PDGFRL: variants seen among roughly 807,000 people sequenced by gnomAD.
PDGFRL encodes platelet-derived growth factor receptor-like protein.
Under a neutral mutation model 37.2 loss-of-function variants are expected in PDGFRL, and 46 were observed. The ratio of observed to expected loss-of-function variants is 1.24; its 90% confidence interval spans 0.98 to 1.58. PDGFRL has a LOEUF of 1.58. Among genes scored for constraint, PDGFRL ranks in the 40% most tolerant of loss-of-function variants. The pLI is 0.00. For missense variants in PDGFRL, 692 were observed against 467.6 expected, an observed-to-expected ratio of 1.48 and a Z score of -4.43; for synonymous variants, 251 against 184.3, an observed-to-expected ratio of 1.36 and a Z score of -2.93.
intron 2 of PDGFRL, among the ~76,000 whole-genome samples, chr8:17,617,745 T>C (rs533234314): frequency 2.1e-4 from 32 of 152,324 alleles, no homozygotes; most frequent in Middle Eastern, 3.4e-3. Context: ...AGCATGCAGA[T>C]TGCACACTGG....
At chr8:17,588,980 GT>G (rs1184312917) in intron 1 of PDGFRL, among the ~76,000 whole-genome samples, 2 of 152,070 alleles carry the variant, frequency 1.3e-5, no homozygotes, top group African/African-American at 4.8e-5. Context: ...ATTTTTTAAT[GT>G]TTTAAAATTA....
Position 17,634,133 on chromosome 8 carries a change from GA to G in PDGFRL, c.860del (p.Asp287AlafsTer32). Reference sequence around the variant, plus strand: ...TTCTTCAAACAAAGTGAAAAGTGGGGACGACATCAGTGTGCTCTGCACTGTC... The same window carrying G: ...TTCTTCAAACAAAGTGAAAAGTGGGGCGACATCAGTGTGCTCTGCACTGTC... ...LASSNKVKSG[D>X]DISVLCTVLG... is the part of the protein sequence containing the mutation. On this transcript the variant is annotated frameshift_variant, in exon 5 of 6. Transcript: ENST00000251630. LOFTEE classifies it high-confidence loss of function. 6.2e-7 allele frequency: 1 copy of G among 1,613,452 alleles called. No homozygotes were observed. Among genetic ancestry groups the G allele is most frequent in the South Asian group, 1.1e-5 (1 of 91,052 alleles).
intron 1 of PDGFRL, among the ~76,000 whole-genome samples, chr8:17,582,105 G>A (rs533329938): frequency 1.5e-3 from 233 of 152,300 alleles, no homozygotes; most frequent in Non-Finnish European, 2.8e-3. Flanking sequence ...GTCTGAAATG[G>A]AAACAGATAA....
At chr8:17,590,422 T>C (rs1261541379) in intron 2 of PDGFRL, among the ~76,000 whole-genome samples, 1 of 150,242 alleles carries the variant, frequency 6.7e-6, no homozygotes, top group Non-Finnish European at 1.5e-5. Flanking sequence ...TAAAAATTCA[T>C]ATTGTGTGGC....
chr8:17,612,799 A>C (rs748915231), intron 2 of PDGFRL, among the ~76,000 whole-genome samples: 1 of 152,202 alleles, frequency 6.6e-6, no homozygotes, highest in Admixed American at 6.5e-5. Flanking sequence ...GTAATGTTGA[A>C]TCTTCTAGTT....
chr8:17,578,243 A>G (rs1004895357), intron 1 of PDGFRL, among the ~76,000 whole-genome samples: 1 of 152,174 alleles, frequency 6.6e-6, no homozygotes, highest in African/African-American at 2.4e-5. Context: ...ATTTAGTGGA[A>G]AAGTAGCTTT....
chr8:17,601,517 G>A (rs559949499), intron 2 of PDGFRL, among the ~76,000 whole-genome samples: 3 of 151,300 alleles, frequency 2.0e-5, no homozygotes, highest in Admixed American at 6.6e-5. Flanking sequence ...GGTTTGTTAC[G>A]TGGGTAAATT....
intron 5 of PDGFRL, among the ~76,000 whole-genome samples, chr8:17,636,616 A>T (rs1406932016): frequency 1.9e-4 from 29 of 150,746 alleles, no homozygotes; most frequent in Non-Finnish European, 1.0e-4. Flanking sequence ...TTGGTTCCAC[A>T]TGAATTTTAG....
At chr8:17,602,686 G>A (rs1043667169) in intron 2 of PDGFRL, among the ~76,000 whole-genome samples, 7 of 152,072 alleles carry the variant, frequency 4.6e-5, no homozygotes, top group Non-Finnish European at 5.9e-5. Context: ...TTGGAAAGGA[G>A]AGCTCTGTTG....
At chr8:17,583,799 CTCTT>C (rs896523968) in intron 1 of PDGFRL, among the ~76,000 whole-genome samples, 62 of 152,238 alleles carry the variant, frequency 4.1e-4, no homozygotes, top group African/African-American at 8.4e-4. Flanking sequence ...CTCTCTCTCT[CTCTT>C]GCTTCTTCTC....
Position 17,621,180 on chromosome 8 carries a change from C to T in PDGFRL, c.483C>T (p.Gly161=). 1 of 1,609,092 alleles carries T rather than the reference C, an allele frequency of 6.2e-7. No individual in the cohort carries two copies. The highest frequency in any genetic ancestry group is 8.5e-7 in the Non-Finnish European group (1 of 1,176,636). ...YICRKDEAKT[G]STYIFFTEKG... is the part of the protein sequence containing the mutation. Reference sequence around the variant, plus strand: ...GCAGGAAGGACGAGGCCAAAACGGGCTCCACCTACATCTTTTTTACAGGTA... The same window carrying T: ...GCAGGAAGGACGAGGCCAAAACGGGTTCCACCTACATCTTTTTTACAGGTA... Residue 161 remains glycine, a synonymous_variant, in exon 3 of 6, where the codon GGC becomes GGT. Transcript: ENST00000251630.
rs1356644578 is a variant in PDGFRL, at chr8:17,634,170, C to A, written c.896C>A (p.Pro299His). 6.2e-7 allele frequency: 1 copy of A among 1,613,410 alleles called. No individual in the cohort carries two copies. Among genetic ancestry groups the A allele is most frequent in the Admixed American group, 1.7e-5 (1 of 59,998 alleles). ...ISVLCTVLGE[P>H]DVEVEFTWIF... ...GTGCTCTGCACTGTCCTGGGGGAGC[C>A]CGATGTGGAGGTGGAGTTCACCTGG... The change falls in exon 5 of 6, where the codon CCC (proline) becomes CAC (histidine). Residue 299 changes from proline to histidine, a missense_variant. Pro to His is a moderately conservative substitution (Grantham distance 77). Transcript: ENST00000251630.
At chr8:17,604,883 GCGGGTGAATCA>G (rs1023283006) in intron 2 of PDGFRL, among the ~76,000 whole-genome samples, 4 of 152,172 alleles carry the variant, frequency 2.6e-5, no homozygotes, top group Non-Finnish European at 5.9e-5. Flanking sequence ...GGAGGCTGAG[GCGGGTGAATCA>G]CTTGAGCTCA....
In PDGFRL at chr8:17,580,244, A is replaced by G. The variant is rs1041041461; in HGVS notation, c.55+2937A>G. The stretch of plus-strand genomic sequence containing the variant: ...TGAGAGCAATATAGCCAGATCTCTA[A>G]GAAGGTAAGGACAGAGACACAATGA... On this transcript the variant is annotated intron_variant, in intron 1 of 5. Coordinates refer to ENST00000251630, the MANE Select transcript of PDGFRL (RefSeq NM_001372073.1). 5.8e-4 allele frequency among the ~76,000 whole-genome samples: 88 copies of G among 152,164 alleles called. 1 individual carries two copies. Among genetic ancestry groups the G allele is most frequent in the African/African-American group, 2.1e-3 (86 of 41,440 alleles).
chr8:17,594,342 G>C (rs561964009), intron 2 of PDGFRL, among the ~76,000 whole-genome samples: 8 of 151,758 alleles, frequency 5.3e-5, no homozygotes, highest in African/African-American at 1.9e-4. Flanking sequence ...CCAGGTTCAA[G>C]CGATTCTCCT....
At chr8:17,639,145 T>C (rs1484009390) in intron 5 of PDGFRL, among the ~76,000 whole-genome samples, 1 of 152,140 alleles carries the variant, frequency 6.6e-6, no homozygotes, top group Non-Finnish European at 1.5e-5. Context: ...CATAAGTTTA[T>C]GTTAGTCCTA....
At chr8:17,590,114 C>G (rs2150813011) in intron 2 of PDGFRL, among the ~76,000 whole-genome samples, 1 of 150,928 alleles carries the variant, frequency 6.6e-6, no homozygotes, top group Non-Finnish European at 1.5e-5. Flanking sequence ...GCCTGTAGTC[C>G]CAGCTACTCA....
At chr8:17,586,160 G>T (rs1803810349) in intron 1 of PDGFRL, among the ~76,000 whole-genome samples, 1 of 152,068 alleles carries the variant, frequency 6.6e-6, no homozygotes, top group Non-Finnish European at 1.5e-5. Context: ...TACTATGTTG[G>T]CCAGGCTGGT....
intron 2 of PDGFRL, among the ~76,000 whole-genome samples, chr8:17,606,879 G>GTTTTTT (rs1361616983): frequency 1.7e-5 from 1 of 59,030 alleles, no homozygotes; most frequent in African/African-American, 6.4e-5. Flanking sequence ...CCAGTTTTTC[G>GTTTTTT]TTTTTTGTTT....
Sources: gnomAD v4.1 joint callset for allele counts (sites outside exome capture counted in the v4.1 genomes callset) on GRCh38, gnomAD v4.1.1 for gene constraint, MANE v1.5 for transcripts, NCBI Gene and HGNC (gene_info 2026-07-23, HGNC 2026-07-21) for gene names.